TRPC4: variants seen among roughly 807,000 people sequenced by gnomAD.
TRPC4 encodes the protein short transient receptor potential channel 4.
Under a neutral mutation model 99.4 loss-of-function variants are expected in TRPC4, and 49 were observed. The ratio of observed to expected loss-of-function variants is 0.49; its 90% CI spans 0.39 to 0.63. The LOEUF (loss-of-function observed/expected upper bound fraction) is 0.63, where lower values mean the gene tolerates loss of function less well. TRPC4 is among the 20% of genes least tolerant of loss of function. TRPC4 has a pLI of 0.00. For synonymous variants in TRPC4, 454 were observed against 425.9 expected, an observed-to-expected ratio of 1.07 and a Z score of -0.81; for missense variants, 898 against 1,152.9, an observed-to-expected ratio of 0.78 and a Z score of 3.20.
intron 1 of TRPC4, among the ~76,000 whole-genome samples, chr13:37,811,751 G>A (rs938442722): frequency 7.9e-5 from 12 of 152,138 alleles, no homozygotes; most frequent in African/African-American, 4.8e-5. Flanking sequence ...TTTCCAAAAC[G>A]GAAAAACCAA....
intron 1 of TRPC4, among the ~76,000 whole-genome samples, chr13:37,858,664 CA>C (rs1295335340): frequency 6.6e-6 from 1 of 151,294 alleles, no homozygotes; most frequent in African/African-American, 2.4e-5. Context: ...TAAGTGAACA[CA>C]CAGAGAGACA....
At chr13:37,654,906 T>G (rs943599580) in intron 7 of TRPC4, among the ~76,000 whole-genome samples, 182 bp downstream of exon 7, 7 of 152,208 alleles carry the variant, frequency 4.6e-5, no homozygotes, top group Admixed American at 2.6e-4. Context: ...AAAATCAGAT[T>G]AATTTATAGC....
At position 37,869,486 on chromosome 13, in the gene TRPC4, C is replaced by T. The variant is rs572788174; in HGVS notation, c.-28+109G>A. On this transcript the variant is annotated intron_variant, in intron 1 of 10. Coordinates refer to ENST00000379705, the MANE Select transcript of TRPC4 (RefSeq NM_016179.4). Reference sequence around the variant, plus strand: ...TAACCCCGCAGGGATGTCCGCCTCCCAGAAGAGAGCCGGCTTCCCAGGCAG... The same window carrying T: ...TAACCCCGCAGGGATGTCCGCCTCCTAGAAGAGAGCCGGCTTCCCAGGCAG... 9 of 152,362 alleles carry T rather than the reference C, an allele frequency of 5.9e-5. No homozygotes were observed. The East Asian group carries it at 1.5e-3, about 26-fold the overall frequency. 9.4% of individuals were successfully genotyped at this position (152,362 alleles called of 1,614,324 possible).
At chr13:37,721,977 T>C (rs1243282025) in intron 3 of TRPC4, among the ~76,000 whole-genome samples, 1 of 152,070 alleles carries the variant, frequency 6.6e-6, no homozygotes, top group Non-Finnish European at 1.5e-5. Flanking sequence ...AAAAATCTTA[T>C]TCAAGAATTA....
intron 4 of TRPC4, among the ~76,000 whole-genome samples, chr13:37,691,212 C>T (rs1166162856): frequency 1.3e-5 from 2 of 152,238 alleles, no homozygotes; most frequent in Admixed American, 6.5e-5. Context: ...CGTCATTCTC[C>T]TGCCTCAGCC....
Position 37,637,393 on chromosome 13 carries a change from T to G in TRPC4, c.2444A>C (p.His815Pro). The change falls in exon 11 of 11, where the codon CAT becomes CCT. Residue 815 changes from histidine (H) to proline (P), a missense_variant. Physicochemically the swap from His to Pro is moderately conservative, Grantham distance 77. Around this residue, in one of 3 missense-constraint regions of TRPC4, gnomAD observed 346 missense variants for 351.4 expected, o/e 0.98. Coordinates refer to ENST00000379705, the MANE Select transcript of TRPC4 (RefSeq NM_016179.4). ...PRSAAIASER[H>P]NISNGSALVV... ...CAGGGCAGAGCCATTGCTTATGTTA[T>G]GTCTTTCAGAGGCAATTGCTGCTGA... The G allele has an allele frequency of 6.2e-7, 1 of 1,613,716 alleles. No homozygotes were observed. The highest frequency in any genetic ancestry group is 8.5e-7 in the Non-Finnish European group (1 of 1,179,860).
At chr13:37,670,813 T>G (rs1300384706) in intron 5 of TRPC4, among the ~76,000 whole-genome samples, 1 of 152,210 alleles carries the variant, frequency 6.6e-6, no homozygotes, top group Non-Finnish European at 1.5e-5. Flanking sequence ...AAATAGATAG[T>G]GAACTCTGCT....
chr13:37,804,718 A>G (rs1369683745), intron 1 of TRPC4, among the ~76,000 whole-genome samples: 1 of 152,084 alleles, frequency 6.6e-6, no homozygotes, highest in Non-Finnish European at 1.5e-5. Context: ...ACATAATTCT[A>G]ACATGTACAT....
At position 37,645,824 on chromosome 13, in the gene TRPC4, A is replaced by G. The variant is rs555055346; in HGVS notation, c.2079+5441T>C. The stretch of plus-strand genomic sequence containing the variant: ...TGCCTGAATGTTGTATTGTCAAACC[A>G]AATATTCAGGAACTCACTCTTGAAA... On this transcript the variant is annotated intron_variant, in intron 8 of 10. Coordinates refer to ENST00000379705, the MANE Select transcript of TRPC4 (RefSeq NM_016179.4). Among the ~76,000 whole-genome samples the G allele has an allele frequency of 1.0e-3, 154 of 152,356 alleles. 1 individual carries two copies. The highest frequency in any genetic ancestry group is 3.6e-3 in the African/African-American group (151 of 41,584).
chr13:37,695,893 A>T (rs994064693), intron 3 of TRPC4, among the ~76,000 whole-genome samples: 22 of 152,226 alleles, frequency 1.4e-4, no homozygotes, highest in African/African-American at 4.6e-4. Flanking sequence ...CACAATGGCA[A>T]CAAAGAAAAG....
chr13:37,691,013 A>C (rs1488203584), intron 4 of TRPC4, among the ~76,000 whole-genome samples: 1 of 152,228 alleles, frequency 6.6e-6, no homozygotes, highest in African/African-American at 2.4e-5. Context: ...CCATAGTATG[A>C]TAGAGAAAAG....
At chr13:37,638,107 A>G (rs566076194) in intron 10 of TRPC4, among the ~76,000 whole-genome samples, 3 of 152,254 alleles carry the variant, frequency 2.0e-5, no homozygotes, top group South Asian at 4.1e-4. Context: ...CCTTCCCCCT[A>G]CATCTGGGTC....
intron 1 of TRPC4, among the ~76,000 whole-genome samples, chr13:37,814,208 A>T (rs923267338): frequency 1.3e-5 from 2 of 151,870 alleles, no homozygotes; most frequent in Non-Finnish European, 2.9e-5. Flanking sequence ...AGGAAAACAC[A>T]CAGCTAAAAT....
intron 8 of TRPC4, among the ~76,000 whole-genome samples, chr13:37,648,819 A>G (rs1421792068): frequency 1.3e-5 from 2 of 152,160 alleles, no homozygotes; most frequent in Non-Finnish European, 2.9e-5. Context: ...GATAGGAGGG[A>G]GGGTTGGAAG....
intron 2 of TRPC4, among the ~76,000 whole-genome samples, chr13:37,781,031 A>G (rs1047496685): frequency 6.6e-6 from 1 of 152,014 alleles, no homozygotes; most frequent in Non-Finnish European, 1.5e-5. Context: ...AAATGCCTAT[A>G]AGGAGCCAGG....
intron 3 of TRPC4, among the ~76,000 whole-genome samples, chr13:37,742,137 C>G (rs1955611391): frequency 6.6e-6 from 1 of 152,060 alleles, no homozygotes; most frequent in African/African-American, 2.4e-5. Context: ...ATTCTTCTTT[C>G]TATGATGCTG....
At chr13:37,755,021 A>C (rs1956060667) in intron 2 of TRPC4, among the ~76,000 whole-genome samples, 1 of 152,056 alleles carries the variant, frequency 6.6e-6, no homozygotes, top group African/African-American at 2.4e-5. Flanking sequence ...TAATGGCAAA[A>C]ACCTCATAGA....
intron 3 of TRPC4, among the ~76,000 whole-genome samples, chr13:37,744,040 C>A (rs1281210619): frequency 1.3e-5 from 2 of 152,144 alleles, no homozygotes; most frequent in African/African-American, 4.8e-5. Flanking sequence ...TGTTTCATTT[C>A]ATGAATTGTA....
At chr13:37,857,101 A>G (rs1396089868) in intron 1 of TRPC4, among the ~76,000 whole-genome samples, 2 of 151,740 alleles carry the variant, frequency 1.3e-5, no homozygotes, top group African/African-American at 4.8e-5. Flanking sequence ...AAATTAATGT[A>G]CAAAAATTGG....
Sources: allele counts gnomAD v4.1 joint callset (sites outside exome capture counted in the v4.1 genomes callset), GRCh38; gene constraint gnomAD v4.1.1; regional missense constraint gnomAD v4.1.1; transcripts MANE v1.5; gene names NCBI Gene and HGNC (gene_info 2026-07-23, HGNC 2026-07-21).